KLRG2: variants seen among roughly 807,000 people sequenced by gnomAD.
KLRG2 encodes killer cell lectin-like receptor subfamily G member 2.
KLRG2 carries 39 observed loss-of-function variants against 35.4 expected under a neutral mutation model. The ratio of observed to expected loss-of-function variants is 1.10; its 90% CI spans 0.85 to 1.44. The LOEUF (loss-of-function observed/expected upper bound fraction) is 1.44, where lower values mean the gene tolerates loss of function less well. Among genes scored for constraint, KLRG2 ranks in the 40% most tolerant of loss-of-function variants. KLRG2 has a pLI of 0.00. For missense variants in KLRG2, 632 were observed against 570.9 expected, an observed-to-expected ratio of 1.11 and a Z score of -1.09; for synonymous variants, 283 against 265.8, an observed-to-expected ratio of 1.06 and a Z score of -0.63.
At chr7:139,440,665 G>A in the KLRG2 span, among the ~76,000 whole-genome samples, 1 of 151,992 alleles carries the variant, frequency 6.6e-6, no homozygotes, top group Middle Eastern at 3.2e-3. Flanking sequence ...GTCCAGGCTG[G>A]TCTTAGACCC....
intron 3 of KLRG2, among the ~76,000 whole-genome samples, chr7:139,466,708 C>T (rs1796659035): frequency 6.6e-6 from 1 of 151,234 alleles, no homozygotes; most frequent in Non-Finnish European, 1.5e-5. Flanking sequence ...CCTCCAAAAT[C>T]GCCGAGGCCT....
the KLRG2 span, among the ~76,000 whole-genome samples, chr7:139,445,797 G>GTATATATATATATATATA: frequency 4.2e-4 from 42 of 98,842 alleles, no homozygotes; most frequent in African/African-American, 2.9e-3. Context: ...ATATATGTGT[G>GTATATATATATATATATA]TATATATATA....
At position 139,483,504 on chromosome 7, in the gene KLRG2, T is replaced by C. The variant is rs758259064; in HGVS notation, c.139A>G (p.Ser47Gly). Residue 47 changes from serine (S) to glycine (G), a missense_variant, in exon 1 of 5, where the codon AGC becomes GGC. Ser to Gly is a moderately conservative substitution (Grantham distance 56). Transcript: ENST00000340940. ...KVRQPEGPES[S>G]PSPAGAVEKA... ...TCCACGGCCCCGGCCGGACTTGGGC[T>C]GCTTTCGGGACCTTCAGGTTGTCGC... 1 of 1,598,920 alleles carries C rather than the reference T, an allele frequency of 6.3e-7. No individual in the cohort carries two copies. The highest frequency in any genetic ancestry group is 1.3e-5 in the African/African-American group (1 of 74,510).
the KLRG2 span, among the ~76,000 whole-genome samples, chr7:139,436,128 C>G: frequency 6.6e-6 from 1 of 152,092 alleles, no homozygotes; most frequent in Non-Finnish European, 1.5e-5. Flanking sequence ...GTCTCGAACT[C>G]CTGACCTCGA....
At chr7:139,450,606 A>G (rs576097050), downstream of KLRG2, among the ~76,000 whole-genome samples, 48 of 152,146 alleles carry the variant, frequency 3.2e-4, no homozygotes, top group African/African-American at 1.1e-3. Flanking sequence ...TTCAGACACA[A>G]TCAGTTTTAT....
At chr7:139,442,643 C>T in the KLRG2 span, among the ~76,000 whole-genome samples, 1 of 152,168 alleles carries the variant, frequency 6.6e-6, no homozygotes. Flanking sequence ...CTCCAAAGTT[C>T]AAGACCTCCA....
chr7:139,445,781 GTA>G, the KLRG2 span, among the ~76,000 whole-genome samples: 5 of 98,486 alleles, frequency 5.1e-5, 1 homozygote, highest in East Asian at 7.6e-4. Context: ...ATATATATAT[GTA>G]TATATATATG....
chr7:139,474,551 G>A (rs1796816067), intron 3 of KLRG2, among the ~76,000 whole-genome samples: 1 of 152,012 alleles, frequency 6.6e-6, no homozygotes, highest in Admixed American at 6.6e-5. Flanking sequence ...TTGAGGTCAG[G>A]AGTTTGAGAC....
At position 139,475,392 on chromosome 7, in the gene KLRG2, G is replaced by A. The variant is rs1448555998; in HGVS notation, c.1005+4235C>T. ...TAAAAATACAAAAAATTAGCCAGGC[G>A]TGGTGGCGGGCGCCTGTAGTCCCAG... On this transcript the variant is annotated intron_variant, in intron 3 of 4. Coordinates refer to ENST00000340940, the MANE Select transcript of KLRG2 (RefSeq NM_198508.4). Among the ~76,000 whole-genome samples, 6 of 151,988 alleles carry A rather than the reference G, an allele frequency of 3.9e-5. No homozygotes were observed. In the East Asian group the frequency reaches 5.8e-4, roughly 15 times the overall value.
rs779123108 is a variant in KLRG2, at chr7:139,453,736, G to A, written c.1110-29C>T. On this transcript the variant is annotated intron_variant, in intron 4 of 4. Coordinates refer to ENST00000340940, the MANE Select transcript of KLRG2 (RefSeq NM_198508.4). ...GGAAAGGATGGGAGGGGAAAGAGGA[G>A]AGGTGTTTAGGGTGCCGGGGCCTTG... 3 of 1,613,456 alleles carry A rather than the reference G, an allele frequency of 1.9e-6. No homozygotes were observed. The East Asian group carries it at 6.7e-5, about 36-fold the overall frequency.
At chr7:139,466,705 A>G (rs947022410) in intron 3 of KLRG2, among the ~76,000 whole-genome samples, 7 of 151,206 alleles carry the variant, frequency 4.6e-5, no homozygotes, top group Middle Eastern at 6.8e-3. Context: ...TTTCCTCCAA[A>G]ATCGCCGAGG....
At chr7:139,430,397 C>T in the KLRG2 span, among the ~76,000 whole-genome samples, 2 of 126,202 alleles carry the variant, frequency 1.6e-5, no homozygotes, top group South Asian at 2.3e-4. Context: ...AGCGAAACTC[C>T]ATCTCAAAAA....
chr7:139,474,642 T>C (rs1053037357), intron 3 of KLRG2, among the ~76,000 whole-genome samples: 2 of 152,070 alleles, frequency 1.3e-5, no homozygotes, highest in Non-Finnish European at 2.9e-5. Flanking sequence ...ACGCCTGTAA[T>C]TCCAACTACT....
intron 3 of KLRG2, among the ~76,000 whole-genome samples, chr7:139,474,014 CTTTT>C (rs751172556): frequency 2.3e-5 from 3 of 129,932 alleles, no homozygotes; most frequent in Non-Finnish European, 3.3e-5. Context: ...GTGGCTCAGA[CTTTT>C]TTTTTTTTTT....
At chr7:139,482,861 G>C in intron 1 of KLRG2, 25 bp downstream of exon 1, 1 of 1,376,964 alleles carries the variant, frequency 7.3e-7, no homozygotes, top group South Asian at 1.7e-5. Flanking sequence ...GGCGGCGTCG[G>C]CTGCCGGCGC....
At chr7:139,446,350 T>G in the KLRG2 span, among the ~76,000 whole-genome samples, 6 of 147,146 alleles carry the variant, frequency 4.1e-5, no homozygotes, top group East Asian at 6.0e-4. Context: ...TTTTTTTTTT[T>G]TTTTTTTTTT....
At chr7:139,463,035 G>A (rs1451135865) in intron 3 of KLRG2, among the ~76,000 whole-genome samples, 2 of 152,150 alleles carry the variant, frequency 1.3e-5, no homozygotes, top group South Asian at 4.1e-4. Context: ...TTACAGTTTC[G>A]TTCTGCGACT....
At chr7:139,449,962 A>T (rs957628624), downstream of KLRG2, among the ~76,000 whole-genome samples, 2 of 151,904 alleles carry the variant, frequency 1.3e-5, no homozygotes, top group African/African-American at 4.8e-5. Context: ...CGGCCTCCCA[A>T]AGTGCTGGGA....
At chr7:139,462,618 T>C (rs1380351793) in intron 3 of KLRG2, among the ~76,000 whole-genome samples, 1 of 152,200 alleles carries the variant, frequency 6.6e-6, no homozygotes, top group East Asian at 1.9e-4. Flanking sequence ...TCTTCTGCAA[T>C]GCTGCTTGAC....
Sources: gnomAD v4.1 joint callset for allele counts (sites outside exome capture counted in the v4.1 genomes callset) on GRCh38, gnomAD v4.1.1 for gene constraint, MANE v1.5 for transcripts, NCBI Gene and HGNC (gene_info 2026-07-23, HGNC 2026-07-21) for gene names.